Variants in GLB1 observed in about 807,000 individuals in gnomAD.
The protein encoded by GLB1 is galactosidase beta 1, also known as beta-galactosidase.
Under a neutral mutation model 74.0 loss-of-function variants are expected in GLB1, and 56 were observed. The observed-to-expected ratio is 0.76, with a 90% confidence interval of 0.61 to 0.94. The LOEUF is 0.94. GLB1 is among the 40% of genes least tolerant of loss of function. GLB1 has a pLI of 0.00. For missense variants in GLB1, 787 were observed against 845.5 expected (o/e 0.93, Z 0.86); for synonymous variants, 323 against 323.6 (o/e 1.00, Z 0.02).
At chr3:32,988,185 C>CAAAAAAAAAAAAAAAA in the GLB1 span, among the ~76,000 whole-genome samples, 1 of 60,450 alleles carries the variant, frequency 1.7e-5, no homozygotes, top group Non-Finnish European at 3.2e-5. Context: ...GACTCCATCT[C>CAAAAAAAAAAAAAAAA]AAAAAAAAAA....
chr3:33,089,450 T>C (rs1169630135), intron 1 of GLB1, among the ~76,000 whole-genome samples: 1 of 152,170 alleles, frequency 6.6e-6, no homozygotes. Context: ...GATTTAAAGA[T>C]AGGCAAAGGA....
intron 10 of GLB1, among the ~76,000 whole-genome samples, chr3:33,028,942 C>T (rs924427212): frequency 2.0e-5 from 3 of 152,150 alleles, no homozygotes; most frequent in Middle Eastern, 3.2e-3. Context: ...GGATTACAGG[C>T]GTGAGCCACT....
At chr3:33,028,005 ATCC>A (rs1206391367) in intron 10 of GLB1, among the ~76,000 whole-genome samples, 1 of 152,068 alleles carries the variant, frequency 6.6e-6, no homozygotes, top group Admixed American at 6.5e-5. Flanking sequence ...AGTTCCAGTG[ATCC>A]TCCTGTCTCA....
the GLB1 span, among the ~76,000 whole-genome samples, chr3:32,985,063 C>T: frequency 2.7e-4 from 40 of 148,822 alleles, no homozygotes; most frequent in African/African-American, 9.5e-4. Flanking sequence ...TGTGTTCATG[C>T]CACTGCACTC....
At chr3:33,034,929 G>A (rs921373801) in intron 10 of GLB1, 2 of 290,004 alleles carry the variant, frequency 6.9e-6, no homozygotes, top group African/African-American at 4.4e-5. Context: ...CATGTTATGA[G>A]GCAGAAACTA....
intron 1 of GLB1, chr3:33,091,103 C>T (rs1309365101): frequency 1.1e-5 from 11 of 985,050 alleles, no homozygotes; most frequent in African/African-American, 5.3e-5. Context: ...AAATCCAAAG[C>T]GAGAACTTAA....
intron 9 of GLB1, among the ~76,000 whole-genome samples, chr3:33,050,281 C>T (rs1024053457): frequency 6.6e-6 from 1 of 152,130 alleles, no homozygotes; most frequent in Non-Finnish European, 1.5e-5. Flanking sequence ...ATGACACAGC[C>T]GTTCCACTTC....
chr3:33,031,473 G>A lies in GLB1; in HGVS notation c.1069-7148C>T, dbSNP rs1398482996. Among the ~76,000 whole-genome samples the A allele has an allele frequency of 4.6e-5, 7 of 151,106 alleles. No homozygotes were observed. The East Asian group carries it at 1.2e-3, about 25-fold the overall frequency. ...AGCCTGGCCAACATGGCGAAACTCC[G>A]TCTCTACTAAAAATACAAAAATTAG... On this transcript the variant is annotated intron_variant, in intron 10 of 15. Coordinates refer to ENST00000307363, the MANE Select transcript of GLB1 (RefSeq NM_000404.4).
chr3:33,077,420 C>A (rs759985982), intron 1 of GLB1: 11 of 935,114 alleles, frequency 1.2e-5, no homozygotes, highest in Non-Finnish European at 1.8e-5. Context: ...AAGAGACACA[C>A]CTGCTCAGTT....
chr3:33,034,631 G>A (rs147224317), intron 10 of GLB1: 1 of 727,514 alleles, frequency 1.4e-6, no homozygotes, highest in Non-Finnish European at 2.6e-6. Flanking sequence ...GTTCAATGAT[G>A]TCATGTAGCA....
downstream of GLB1, among the ~76,000 whole-genome samples, chr3:32,996,269 GCA>G (rs1696308740): frequency 6.6e-6 from 1 of 152,144 alleles, no homozygotes; most frequent in Non-Finnish European, 1.5e-5. Context: ...CACATACACA[GCA>G]CACACACACG....
intron 9 of GLB1, among the ~76,000 whole-genome samples, chr3:33,049,197 A>G (rs1698870776): frequency 6.6e-6 from 1 of 152,180 alleles, no homozygotes; most frequent in African/African-American, 2.4e-5. Context: ...CCCATCTACT[A>G]AGTGAAAAAG....
chr3:33,045,515 C>G, intron 10 of GLB1: 1 of 988,132 alleles, frequency 1.0e-6, no homozygotes, highest in South Asian at 4.6e-5. Context: ...TTATCTTCTT[C>G]TCTCTTGCAA....
the GLB1 span, among the ~76,000 whole-genome samples, chr3:32,987,382 G>A: frequency 4.6e-5 from 7 of 152,240 alleles, no homozygotes; most frequent in African/African-American, 1.7e-4. Context: ...GGTTTAAGCT[G>A]AAAGTAGTCT....
At chr3:33,091,119 G>GT (rs1700740906) in intron 1 of GLB1, 1 of 985,414 alleles carries the variant, frequency 1.0e-6, no homozygotes, top group Non-Finnish European at 1.2e-6. Flanking sequence ...CTTAAAGGGA[G>GT]TAAGGATGAT....
the GLB1 span, among the ~76,000 whole-genome samples, chr3:32,988,570 G>C: frequency 6.6e-6 from 1 of 152,162 alleles, no homozygotes; most frequent in South Asian, 2.1e-4. Flanking sequence ...GCAAAATTCT[G>C]GTGCCCAGAG....
chr3:32,997,845 C>T (rs544969594), intron 15 of GLB1, among the ~76,000 whole-genome samples: 2 of 152,328 alleles, frequency 1.3e-5, no homozygotes, highest in Admixed American at 6.5e-5. Context: ...ATCTGCTGTA[C>T]ACCTGGTGAA....
chr3:33,006,043 C>A (rs140902519), intron 15 of GLB1, among the ~76,000 whole-genome samples: 1 of 152,218 alleles, frequency 6.6e-6, no homozygotes, highest in East Asian at 1.9e-4. Flanking sequence ...AAACCTACCA[C>A]AAAATGTTGA....
intron 10 of GLB1, among the ~76,000 whole-genome samples, chr3:33,038,596 G>T (rs1453743271): frequency 6.6e-6 from 1 of 152,176 alleles, no homozygotes; most frequent in Non-Finnish European, 1.5e-5. Flanking sequence ...TCCCATCAAG[G>T]TATTTGTCAA....
Sources: allele counts gnomAD v4.1 joint callset (sites outside exome capture counted in the v4.1 genomes callset), GRCh38; gene constraint gnomAD v4.1.1; transcripts MANE v1.5; gene names NCBI Gene and HGNC (gene_info 2026-07-23, HGNC 2026-07-21).